The following ATP1A2 variants were observed in gnomAD, a reference collection of about 807,000 sequenced individuals.
ATP1A2 encodes sodium/potassium-transporting ATPase subunit alpha-2.
A neutral mutation model predicts 113.1 loss-of-function variants in ATP1A2; 56 were observed. That is an observed-to-expected ratio of 0.49 (90% CI 0.40 to 0.62). ATP1A2 has a LOEUF of 0.62. Ranked by LOEUF, ATP1A2 falls within the 20% of genes least tolerant of loss-of-function variation. The pLI is 0.00. For synonymous variants in ATP1A2, 490 were observed against 526.8 expected (o/e 0.93, Z 0.96); for missense variants, 712 against 1,357.8 (o/e 0.52, Z 7.47).
At chr1:160,137,708 A>G (rs1381935710) in intron 20 of ATP1A2, among the ~76,000 whole-genome samples, 2 of 151,710 alleles carry the variant, frequency 1.3e-5, no homozygotes, top group African/African-American at 2.4e-5. Context: ...CTGTGATTCT[A>G]TTATGGGTGG....
At position 160,121,204 on chromosome 1, in the gene ATP1A2, C is replaced by T. The variant is rs780086533; in HGVS notation, c.130C>T (p.Leu44=). The T allele has an allele frequency of 1.9e-6, 3 of 1,614,252 alleles. No individual in the cohort carries two copies. The highest frequency in any genetic ancestry group is 2.2e-5 in the East Asian group (1 of 44,892). ...KKEVAMDDHK[L]SLDELGRKYQ... ...CTCCCTTCCCCAGGATGACCACAAG[C>T]TGTCCTTGGATGAGCTGGGCCGCAA... The change falls in exon 3 of 23, where the codon CTG becomes TTG. Residue 44 remains leucine (L), a synonymous_variant. Coordinates refer to ENST00000361216, the MANE Select transcript of ATP1A2 (RefSeq NM_000702.4).
chr1:160,128,259 G>A (rs1034727824), intron 8 of ATP1A2: 11 of 427,076 alleles, frequency 2.6e-5, no homozygotes, highest in South Asian at 8.1e-5. Flanking sequence ...ATCCTGGTTC[G>A]CCTCTCCTCT....
intron 20 of ATP1A2, among the ~76,000 whole-genome samples, chr1:160,137,507 C>T (rs1651994049): frequency 6.6e-6 from 1 of 152,176 alleles, no homozygotes; most frequent in African/African-American, 2.4e-5. Context: ...TGTTTAGCCC[C>T]ACGATAGCTC....
At position 160,141,488 on chromosome 1, in the gene ATP1A2, T is replaced by G; in HGVS notation, c.*166T>G. The G allele has an allele frequency of 1.2e-6, 1 of 822,874 alleles. No individual in the cohort carries two copies. Among genetic ancestry groups the G allele is most frequent in the East Asian group, 2.6e-5 (1 of 37,966 alleles). The allele number at this position is 822,874 out of a possible 1,614,324, so 51.0% of individuals were successfully genotyped here. A position where few individuals can be genotyped will look rare whatever the true frequency, so the allele number is the denominator to read the frequency against. On this transcript the variant is annotated 3_prime_UTR_variant, in exon 23 of 23. Transcript: ENST00000361216. ...AAGTTGCGGGGTATATAAATTGGGG[T>G]GATGACCCCATAGACCTAACTGTGA...
intron 13 of ATP1A2, among the ~76,000 whole-genome samples, chr1:160,133,064 G>A (rs377597750): frequency 1.3e-5 from 2 of 152,038 alleles, no homozygotes; most frequent in Non-Finnish European, 2.9e-5. Context: ...GAAGGTCGGT[G>A]TTTAAACTTG....
intron 13 of ATP1A2, among the ~76,000 whole-genome samples, chr1:160,132,161 T>C (rs140901738): frequency 6.6e-6 from 1 of 152,302 alleles, no homozygotes; most frequent in East Asian, 1.9e-4. Flanking sequence ...GGAAGGCATG[T>C]CAAGATCAGG....
chr1:160,129,496 T>G (rs1570989500), intron 11 of ATP1A2, 96 bp downstream of exon 11: 1 of 1,567,166 alleles, frequency 6.4e-7, no homozygotes, highest in Non-Finnish European at 8.7e-7. Flanking sequence ...GGAGTGGGGG[T>G]GTCTGAGGGT....
chr1:160,140,086 C>T, intron 22 of ATP1A2, 102 bp downstream of exon 22: 1 of 1,233,574 alleles, frequency 8.1e-7, no homozygotes, highest in African/African-American at 1.5e-5. Context: ...GTTCCTGCTT[C>T]TGTTCCTCAA....
intron 1 of ATP1A2, 57 bp from the exon 2 acceptor site, chr1:160,120,849 A>G (rs1346632061): frequency 6.6e-7 from 1 of 1,523,894 alleles, no homozygotes; most frequent in Non-Finnish European, 8.9e-7. Context: ...GAGTGGTGGG[A>G]ATGGAGGCCC....
intron 22 of ATP1A2, 185 bp downstream of exon 22, chr1:160,140,169 C>T: frequency 3.1e-6 from 2 of 639,212 alleles, no homozygotes; most frequent in Admixed American, 4.9e-5. Flanking sequence ...GCCCTCTTCC[C>T]ATCAGATTCT....
Position 160,130,492 on chromosome 1 carries a change from CT to C in ATP1A2, c.1725del (p.Thr577ArgfsTer12). 1 of 1,614,240 alleles carries C rather than the reference CT, an allele frequency of 6.2e-7. No homozygotes were observed. Among genetic ancestry groups the C allele is most frequent in the South Asian group, 1.1e-5 (1 of 91,086 alleles). ...GFKFDTDELN[F>X]PTEKLCFVGL... The stretch of plus-strand genomic sequence containing the variant: ...TCAAATTCGACACGGATGAGCTGAA[CT>C]TTCCCACGGAGAAGCTTTGCTTTGT... On this transcript the variant is annotated frameshift_variant, in exon 13 of 23. Transcript: ENST00000361216. LOFTEE classifies it high-confidence loss of function.
intron 1 of ATP1A2, among the ~76,000 whole-genome samples, chr1:160,120,095 G>A (rs1651342744): frequency 6.6e-6 from 1 of 152,044 alleles, no homozygotes; most frequent in Non-Finnish European, 1.5e-5. Context: ...ATAAAATGTA[G>A]TTTTAGATTT....
At chr1:160,121,320 A>G (rs1182046744) in intron 3 of ATP1A2, 69 bp downstream of exon 3, 8 of 1,572,894 alleles carry the variant, frequency 5.1e-6, no homozygotes, top group Non-Finnish European at 7.0e-6. Flanking sequence ...AGGTGGCAGG[A>G]GCCTTAAAAC....
Position 160,134,584 on chromosome 1 carries a change from C to T in ATP1A2, c.1928C>T (p.Ala643Val), listed in dbSNP as rs763782107. Reference protein sequence around the residue: ...EGNETVEDIAARLNIPMSQVN... With the variant: ...EGNETVEDIAVRLNIPMSQVN... The stretch of plus-strand genomic sequence containing the variant: ...AACGAGACTGTGGAGGACATTGCAG[C>T]CCGGCTCAACATTCCCATGAGTCAA... The change falls in exon 14 of 23, where the codon GCC (alanine) becomes GTC (valine). Residue 643 changes from alanine to valine, a missense_variant. Around this residue, in one of 6 missense-constraint regions of ATP1A2, gnomAD observed 263 missense variants for 380.6 expected, o/e 0.69. Transcript: ENST00000361216. The T allele has an allele frequency of 1.2e-6, 2 of 1,614,246 alleles. No homozygotes were observed. The highest frequency in any genetic ancestry group is 1.7e-6 in the Non-Finnish European group (2 of 1,180,040).
In ATP1A2 at chr1:160,130,518, T is replaced by C. The variant is rs777961901; in HGVS notation, c.1748T>C (p.Val583Ala). ...TTTCCCACGGAGAAGCTTTGCTTTG[T>C]GGGGCTCATGTCTATGATTGACCCT... ...LNFPTEKLCF[V>A]GLMSMIDPPR... Residue 583 changes from valine (V) to alanine (A), a missense_variant, in exon 13 of 23, where the codon GTG becomes GCG. Transcript: ENST00000361216. 1 of 1,614,244 alleles carries C rather than the reference T, an allele frequency of 6.2e-7. No individual in the cohort carries two copies. The highest frequency in any genetic ancestry group is 8.5e-7 in the Non-Finnish European group (1 of 1,180,032).
chr1:160,115,972 G>A (rs564645266), intron 1 of ATP1A2, 99 bp downstream of exon 1: 6 of 1,515,072 alleles, frequency 4.0e-6, no homozygotes, highest in Admixed American at 2.0e-5. Flanking sequence ...GCGGGAGAGA[G>A]GAGCTGAGTG....
chr1:160,123,859 G>A, intron 4 of ATP1A2, 84 bp from the exon 5 acceptor site: 1 of 1,208,928 alleles, frequency 8.3e-7, no homozygotes, highest in East Asian at 2.4e-5. Flanking sequence ...ATCTTGGATG[G>A]CACTGCCTGC....
At position 160,125,224 on chromosome 1, in the gene ATP1A2, T is replaced by A. The variant is rs1651548209; in HGVS notation, c.719T>A (p.Ile240Asn). ...GAGAACCCCCTGGAGACCCGCAATA[T>A]CTGTTTCTTCTCCACCAACTGTGTT... ...THENPLETRN[I>N]CFFSTNCVEG... The change falls in exon 7 of 23, where the codon ATC becomes AAC. Residue 240 changes from isoleucine to asparagine, a missense_variant. By Grantham distance (149) the Ile-to-Asn change is moderately radical (BLOSUM62 -3). Around this residue, in one of 6 missense-constraint regions of ATP1A2, gnomAD observed 99 missense variants for 180.4 expected, o/e 0.55. Coordinates refer to ENST00000361216, the MANE Select transcript of ATP1A2 (RefSeq NM_000702.4). 1.2e-6 allele frequency: 2 copies of A among 1,614,102 alleles called. No homozygotes were observed. The highest frequency in any genetic ancestry group is 1.6e-4 in the Middle Eastern group (1 of 6,062).
intron 3 of ATP1A2, among the ~76,000 whole-genome samples, chr1:160,122,731 A>G (rs1651454249): frequency 6.6e-6 from 1 of 152,108 alleles, no homozygotes; most frequent in South Asian, 2.1e-4. Context: ...GCTGAGGTGG[A>G]AGGATTGCTT....
Sources: allele counts gnomAD v4.1 joint callset (sites outside exome capture counted in the v4.1 genomes callset), GRCh38; gene constraint gnomAD v4.1.1; regional missense constraint gnomAD v4.1.1; transcripts MANE v1.5; gene names NCBI Gene and HGNC (gene_info 2026-07-23, HGNC 2026-07-21).